ARID3B: variants seen among roughly 807,000 people sequenced by gnomAD.
The protein encoded by ARID3B is AT-rich interactive domain-containing protein 3B.
ARID3B carries 10 observed loss-of-function variants against 51.9 expected under a neutral mutation model. The ratio of observed to expected loss-of-function variants is 0.19; its 90% CI spans 0.12 to 0.33. The LOEUF (loss-of-function observed/expected upper bound fraction) is 0.33, where lower values mean the gene tolerates loss of function less well. Among genes scored for constraint, ARID3B ranks in the 10% least tolerant of loss-of-function variants. ARID3B has a pLI of 1.00. For synonymous variants in ARID3B, 205 were observed against 279.5 expected (o/e 0.73, Z 2.66); for missense variants, 483 against 716.3 (o/e 0.67, Z 3.72).
intron 2 of ARID3B, among the ~76,000 whole-genome samples, chr15:74,559,416 T>G (rs2061670865): frequency 6.6e-6 from 1 of 152,224 alleles, no homozygotes. Context: ...ACTCACAGTT[T>G]TGTTTGCTTG....
intron 2 of ARID3B, among the ~76,000 whole-genome samples, chr15:74,561,879 A>G (rs1205640854): frequency 6.6e-6 from 1 of 152,128 alleles, no homozygotes; most frequent in African/African-American, 2.4e-5. Context: ...ATCCTCTTCC[A>G]TTGTAGTATT....
intron 2 of ARID3B, among the ~76,000 whole-genome samples, chr15:74,564,111 T>C (rs191940271): frequency 6.6e-6 from 1 of 152,358 alleles, no homozygotes; most frequent in African/African-American, 2.4e-5. Context: ...CTGATAATTA[T>C]AACTCTAGTG....
At chr15:74,549,277 G>T (rs1001335087) in intron 2 of ARID3B, among the ~76,000 whole-genome samples, 2 of 151,914 alleles carry the variant, frequency 1.3e-5, no homozygotes, top group African/African-American at 2.4e-5. Flanking sequence ...GGGTTTCACC[G>T]TGTTAGCCAG....
At position 74,596,758 on chromosome 15, in the gene ARID3B, CT is replaced by C. The variant is rs2061827330; in HGVS notation, c.*985del. The C allele has an allele frequency of 4.3e-6, 1 of 233,338 alleles. No individual in the cohort carries two copies. The highest frequency in any genetic ancestry group is 8.5e-6 in the Non-Finnish European group (1 of 117,986). 14.5% of individuals were successfully genotyped at this position (233,338 alleles called of 1,614,324 possible). A position where few individuals can be genotyped will look rare whatever the true frequency, so the allele number is the denominator to read the frequency against. Reference sequence around the variant, plus strand: ...TTGAGTCTTCAGGAAGTATTTGCATCTCTGAAATCTTTTTTATATGTGTTTT... The same window carrying C: ...TTGAGTCTTCAGGAAGTATTTGCATCCTGAAATCTTTTTTATATGTGTTTT... On this transcript the variant is annotated 3_prime_UTR_variant, in exon 9 of 9. Transcript: ENST00000346246.
intron 2 of ARID3B, among the ~76,000 whole-genome samples, chr15:74,548,688 A>G (rs1438868396): frequency 1.3e-5 from 2 of 151,986 alleles, no homozygotes; most frequent in African/African-American, 4.8e-5. Flanking sequence ...AATTTCAAAC[A>G]CCTCCAAGCC....
intron 5 of ARID3B, among the ~76,000 whole-genome samples, chr15:74,590,882 A>C (rs1187150141): frequency 6.6e-6 from 1 of 152,224 alleles, no homozygotes; most frequent in Non-Finnish European, 1.5e-5. Flanking sequence ...GCTTCAAAAC[A>C]AATGTGAAAA....
In ARID3B at chr15:74,591,898, G is replaced by A; in HGVS notation, c.1420+84G>A. 6.4e-7 allele frequency: 1 copy of A among 1,551,646 alleles called. No homozygotes were observed. The highest frequency in any genetic ancestry group is 8.7e-7 in the Non-Finnish European group (1 of 1,145,752). On this transcript the variant is annotated intron_variant, in intron 7 of 8. Transcript: ENST00000346246. This position sits in a 1 kb window ranked among gnomAD's most constrained non-coding sequence, Gnocchi z 5.8. ...TCCTGGGACTGGTGGGGCAGGGGTG[G>A]TGAGGCACATACTCCTGACCTGGAA...
rs769419249 is a variant in ARID3B at position 74,591,521 on chromosome 15, G to A, written c.1166-39G>A. 2 of 1,598,758 alleles carry A rather than the reference G, an allele frequency of 1.3e-6. No individual in the cohort carries two copies. The highest frequency in any genetic ancestry group is 2.2e-5 in the East Asian group (1 of 44,524). On this transcript the variant is annotated intron_variant, in intron 6 of 8. Transcript: ENST00000346246. The surrounding 1 kb of genome is among the most constrained non-coding windows in gnomAD (Gnocchi z 5.8). Reference sequence around the variant, plus strand: ...CAAGACTGGGGTTTTGGGGCAAGAGGGTCAATTGTGGATTGGTCCAGCTCC... The same window carrying A: ...CAAGACTGGGGTTTTGGGGCAAGAGAGTCAATTGTGGATTGGTCCAGCTCC...
Position 74,598,016 on chromosome 15 carries a change from A to T in ARID3B, c.*2242A>T, listed in dbSNP as rs1567129664. 1 of 531,448 alleles carries T rather than the reference A, an allele frequency of 1.9e-6. No individual in the cohort carries two copies. Among genetic ancestry groups the T allele is most frequent in the South Asian group, 1.5e-5 (1 of 65,236 alleles). 32.9% of individuals were successfully genotyped at this position (531,448 alleles called of 1,614,324 possible). On this transcript the variant is annotated 3_prime_UTR_variant, in exon 9 of 9. Coordinates refer to ENST00000346246, the MANE Select transcript of ARID3B (RefSeq NM_006465.4). Reference sequence around the variant, plus strand: ...GTGATAGCACATGGGTAGCCTAGGCAGTGAGTAAATACCTCAGATGTCCTC... The same window carrying T: ...GTGATAGCACATGGGTAGCCTAGGCTGTGAGTAAATACCTCAGATGTCCTC...
At chr15:74,580,598 A>G (rs547557014) in intron 4 of ARID3B, among the ~76,000 whole-genome samples, 3 of 152,280 alleles carry the variant, frequency 2.0e-5, no homozygotes, top group South Asian at 4.1e-4. Flanking sequence ...TAGAGTAGAG[A>G]GAGCAAAGGT....
chr15:74,566,996 A>T (rs1340484190), intron 2 of ARID3B, among the ~76,000 whole-genome samples: 1 of 152,190 alleles, frequency 6.6e-6, no homozygotes, highest in Non-Finnish European at 1.5e-5. Context: ...GTGTCTATGT[A>T]CATTTGTATG....
At chr15:74,555,450 C>CT (rs1249380871) in intron 2 of ARID3B, among the ~76,000 whole-genome samples, 1 of 152,094 alleles carries the variant, frequency 6.6e-6, no homozygotes, top group Non-Finnish European at 1.5e-5. Context: ...CCACCTCAGC[C>CT]TTTTGAGTAG....
At chr15:74,543,132 G>C (rs2061600635) in intron 1 of ARID3B, among the ~76,000 whole-genome samples, 1 of 152,192 alleles carries the variant, frequency 6.6e-6, no homozygotes, top group Admixed American at 6.5e-5. Flanking sequence ...TCCCCCGTTT[G>C]CTTTTGAGTG....
chr15:74,578,426 C>A (rs1443968526), intron 4 of ARID3B, among the ~76,000 whole-genome samples: 1 of 152,170 alleles, frequency 6.6e-6, no homozygotes, highest in Non-Finnish European at 1.5e-5. Flanking sequence ...CCGCCCGCGT[C>A]GGCCTCCTAA....
Position 74,597,387 on chromosome 15 carries a change from G to A in ARID3B, c.*1613G>A. 2.2e-6 allele frequency: 1 copy of A among 447,148 alleles called. No individual in the cohort carries two copies. 27.7% of individuals were successfully genotyped at this position (447,148 alleles called of 1,614,324 possible). Reference sequence around the variant, plus strand: ...CAGCGTGGCTCGCATTCAGTCCTGTGTAGGAGAGGAAAGGGAATCAAAAGC... The same window carrying A: ...CAGCGTGGCTCGCATTCAGTCCTGTATAGGAGAGGAAAGGGAATCAAAAGC... On this transcript the variant is annotated 3_prime_UTR_variant, in exon 9 of 9. Coordinates refer to ENST00000346246, the MANE Select transcript of ARID3B (RefSeq NM_006465.4).
intron 2 of ARID3B, among the ~76,000 whole-genome samples, chr15:74,552,486 C>T (rs1434664236): frequency 6.0e-5 from 9 of 150,006 alleles, no homozygotes; most frequent in Non-Finnish European, 1.0e-4. Context: ...TGAGCCACCA[C>T]GCCCAGCCTA....
At chr15:74,581,525 G>A (rs865982732) in intron 4 of ARID3B, among the ~76,000 whole-genome samples, 2 of 152,210 alleles carry the variant, frequency 1.3e-5, no homozygotes, top group South Asian at 4.1e-4. Context: ...ACTTTATCCC[G>A]AAATGAAAGT....
chr15:74,597,747 C>G lies in ARID3B; in HGVS notation c.*1973C>G, dbSNP rs1372363578. ...AGGATGCAGGGAAAGCACACTGTGT[C>G]TTTCCGGTCATTGGATCCTCTCCCT... On this transcript the variant is annotated 3_prime_UTR_variant, in exon 9 of 9. Coordinates refer to ENST00000346246, the MANE Select transcript of ARID3B (RefSeq NM_006465.4). 1 of 463,804 alleles carries G rather than the reference C, an allele frequency of 2.2e-6. No homozygotes were observed. The highest frequency in any genetic ancestry group is 4.0e-5 in the East Asian group (1 of 25,060). 28.7% of individuals were successfully genotyped at this position (463,804 alleles called of 1,614,324 possible).
chr15:74,568,098 GA>G (rs2061706235), intron 2 of ARID3B, among the ~76,000 whole-genome samples: 1 of 152,208 alleles, frequency 6.6e-6, no homozygotes, highest in Non-Finnish European at 1.5e-5. Context: ...ATTTTGGAGG[GA>G]GGGGTAAAAA....
Sources: allele counts gnomAD v4.1 joint callset (sites outside exome capture counted in the v4.1 genomes callset), GRCh38; gene constraint gnomAD v4.1.1; non-coding constraint Gnocchi (gnomAD v3.1); transcripts MANE v1.5; gene names NCBI Gene and HGNC (gene_info 2026-07-23, HGNC 2026-07-21).